The following FLT1 variants were observed in gnomAD, a reference collection of about 807,000 sequenced individuals.
FLT1 encodes the protein fms related receptor tyrosine kinase 1.
Under a neutral mutation model 156.3 loss-of-function variants are expected in FLT1, and 49 were observed. The observed-to-expected ratio is 0.31, with a 90% CI of 0.25 to 0.40. FLT1 has a LOEUF of 0.40. Ranked by LOEUF, FLT1 falls within the 10% of genes least tolerant of loss-of-function variation. The pLI is 1.00. For synonymous variants in FLT1, 594 were observed against 583.8 expected (o/e 1.02, Z -0.25); for missense variants, 1,322 against 1,637.2 (o/e 0.81, Z 3.32).
intron 3 of FLT1, among the ~76,000 whole-genome samples, chr13:28,444,711 A>C (rs541123857): frequency 6.6e-6 from 1 of 152,374 alleles, no homozygotes; most frequent in African/African-American, 2.4e-5. Context: ...AATCAATAAC[A>C]GAAATAAATT....
At chr13:28,438,932 G>A (rs575159875) in intron 3 of FLT1, among the ~76,000 whole-genome samples, 24 of 152,330 alleles carry the variant, frequency 1.6e-4, no homozygotes, top group Non-Finnish European at 2.6e-4. Context: ...CGGACAGGCC[G>A]GAGAAGCTGT....
chr13:28,404,785 C>T (rs1486100465), intron 11 of FLT1, among the ~76,000 whole-genome samples: 3 of 151,886 alleles, frequency 2.0e-5, no homozygotes, highest in Non-Finnish European at 2.9e-5. Context: ...TTTGGGAGGC[C>T]GAGGCAGGTG....
rs1347525646 is a variant in FLT1 at position 28,388,847 on chromosome 13, T to C, written c.1969+949A>G. 5.6e-6 allele frequency: 6 copies of C among 1,062,636 alleles called. 1 individual carries two copies. The Middle Eastern group carries it at 1.7e-3, about 299-fold the overall frequency. 65.8% of individuals were successfully genotyped at this position (1,062,636 alleles called of 1,614,324 possible). ...TTTAACATGATGAAGTTCCTTAAAATAATAACCAGAGGACAGGAATATTTA... is the reference window on the plus strand; with the variant it reads ...TTTAACATGATGAAGTTCCTTAAAACAATAACCAGAGGACAGGAATATTTA... On this transcript the variant is annotated intron_variant, in intron 13 of 29. Coordinates refer to ENST00000282397, the MANE Select transcript of FLT1 (RefSeq NM_002019.4).
rs1333978602 is a variant in FLT1 at position 28,339,181 on chromosome 13, C to T, written c.2475G>A (p.Glu825=). The T allele has an allele frequency of 1.2e-6, 2 of 1,614,008 alleles. No homozygotes were observed. Among genetic ancestry groups the T allele is most frequent in the Non-Finnish European group, 8.5e-7 (1 of 1,180,022 alleles). Residue 825 remains glutamate, a synonymous_variant, in exon 17 of 30, where the codon GAG becomes GAA. Coordinates refer to ENST00000282397, the MANE Select transcript of FLT1 (RefSeq NM_002019.4). ...CAAATATCTTACCCAGTTTAAGTCTCTCCCGGGCAAACTCCCACTTGCTGG... is the reference window on the plus strand; with the variant it reads ...CAAATATCTTACCCAGTTTAAGTCTTTCCCGGGCAAACTCCCACTTGCTGG... The part of the protein sequence containing the change: ...YDASKWEFAR[E]RLKLGKSLGR...
At chr13:28,477,291 A>G (rs1348651527) in intron 1 of FLT1, among the ~76,000 whole-genome samples, 2 of 152,184 alleles carry the variant, frequency 1.3e-5, no homozygotes, top group Non-Finnish European at 2.9e-5. Flanking sequence ...AGCCATGCAC[A>G]ACTCCTTTTC....
chr13:28,376,528 G>A (rs1873846179), intron 14 of FLT1, among the ~76,000 whole-genome samples: 1 of 152,158 alleles, frequency 6.6e-6, no homozygotes, highest in Non-Finnish European at 1.5e-5. Context: ...AGAGAGGGAG[G>A]GTTTGTTACT....
chr13:28,435,576 TTTCTATC>T (rs1409958415), intron 4 of FLT1, among the ~76,000 whole-genome samples: 1 of 152,168 alleles, frequency 6.6e-6, no homozygotes, highest in Non-Finnish European at 1.5e-5. Flanking sequence ...CTCGAAACCT[TTTCTATC>T]GCCTTTTAAA....
Position 28,466,896 on chromosome 13 carries a change from G to C in FLT1, c.388+7C>G, listed in dbSNP as rs753399318. 2 of 1,562,698 alleles carry C rather than the reference G, an allele frequency of 1.3e-6. No homozygotes were observed. The highest frequency in any genetic ancestry group is 1.4e-5 in the African/African-American group (1 of 74,008). ...AGCAAACAGAATGTAGAAAATGGAAGTCTTACCACTAATAAATATATAGAT... is the reference window on the plus strand; with the variant it reads ...AGCAAACAGAATGTAGAAAATGGAACTCTTACCACTAATAAATATATAGAT... On this transcript the variant is annotated splice_region_variant and intron_variant, in intron 3 of 29. Coordinates refer to ENST00000282397, the MANE Select transcript of FLT1 (RefSeq NM_002019.4).
At chr13:28,409,535 A>C (rs1053273201) in intron 10 of FLT1, among the ~76,000 whole-genome samples, 1 of 151,926 alleles carries the variant, frequency 6.6e-6, no homozygotes, top group Non-Finnish European at 1.5e-5. Context: ...GGGTTTAACC[A>C]TGTTGCCCAG....
chr13:28,389,222 G>C, intron 13 of FLT1: 1 of 1,109,640 alleles, frequency 9.0e-7, no homozygotes. Context: ...ATCAAGAGCA[G>C]ATGAAATAGT....
chr13:28,464,792 T>C (rs1409098784), intron 3 of FLT1, among the ~76,000 whole-genome samples: 1 of 152,234 alleles, frequency 6.6e-6, no homozygotes, highest in Non-Finnish European at 1.5e-5. Context: ...TGATGTCTAT[T>C]GAATAGTTTA....
chr13:28,412,305 TTC>T (rs770490579), intron 10 of FLT1, among the ~76,000 whole-genome samples: 26 of 84,364 alleles, frequency 3.1e-4, no homozygotes, highest in African/African-American at 7.2e-4. Flanking sequence ...CTTTTTCTCT[TTC>T]TCTTTCTTTC....
intron 17 of FLT1, among the ~76,000 whole-genome samples, chr13:28,335,460 T>C (rs1872083022): frequency 6.6e-6 from 1 of 152,230 alleles, no homozygotes. Flanking sequence ...AATTTTCTTG[T>C]AGTTTGTAAT....
At chr13:28,357,862 T>C (rs1872957144) in intron 14 of FLT1, among the ~76,000 whole-genome samples, 177 bp from the exon 15 acceptor site, 1 of 147,696 alleles carries the variant, frequency 6.8e-6, no homozygotes. Flanking sequence ...CTTTTTCTTT[T>C]CTTTCCTTTT....
rs374335323 is a variant in FLT1, at chr13:28,390,065, G to C, written c.1700C>G (p.Pro567Arg). ...CAGTTTCAGGTCCTCTCCTTCCGTC[G>C]GCATTTTTTCCAAGTTAACATGAAA... is the stretch of plus-strand genomic sequence containing the variant. ...NGFHVNLEKM[P>R]TEGEDLKLSC... The change falls in exon 13 of 30, where the codon CCG becomes CGG. Residue 567 changes from proline (P) to arginine (R), a missense_variant. Physicochemically the swap from Pro to Arg is moderately radical, Grantham distance 103. This residue lies in a region of FLT1 where 991 missense variants were observed against 1,254.8 expected (regional missense o/e 0.79). Transcript: ENST00000282397. The C allele has an allele frequency of 6.2e-7, 1 of 1,613,974 alleles. No individual in the cohort carries two copies. The highest frequency in any genetic ancestry group is 8.5e-7 in the Non-Finnish European group (1 of 1,179,964).
intron 3 of FLT1, among the ~76,000 whole-genome samples, chr13:28,463,091 A>AT (rs1305968236): frequency 6.6e-6 from 1 of 152,236 alleles, no homozygotes; most frequent in East Asian, 1.9e-4. Context: ...AAATGAAACC[A>AT]TTTGTTTAAG....
Position 28,319,488 on chromosome 13 carries a change from T to C in FLT1, c.3221A>G (p.Lys1074Arg), listed in dbSNP as rs1409426262. The C allele has an allele frequency of 6.2e-7, 1 of 1,614,056 alleles. No homozygotes were observed. The highest frequency in any genetic ancestry group is 1.7e-5 in the Admixed American group (1 of 60,018). The change falls in exon 24 of 30, where the codon AAA becomes AGA. Residue 1074 changes from lysine to arginine, a missense_variant. This residue lies in a region of FLT1 where 329 missense variants were observed against 366.2 expected (regional missense o/e 0.90). Coordinates refer to ENST00000282397, the MANE Select transcript of FLT1 (RefSeq NM_002019.4). ...KWMAPESIFDKIYSTKSDVWS... is the reference protein window; with the variant it reads ...KWMAPESIFDRIYSTKSDVWS... ...CACGTCGCTCTTGGTGCTGTAGATT[T>C]TGTCAAAGATAGATTCAGGAGCCAT...
chr13:28,336,742 C>CT (rs548520953), intron 17 of FLT1, among the ~76,000 whole-genome samples: 3,019 of 130,190 alleles, frequency 0.023, 70 homozygotes, highest in African/African-American at 0.045. Flanking sequence ...ATTATTCTAA[C>CT]TTTTTTTTTT....
At chr13:28,459,843 G>C (rs1003882425) in intron 3 of FLT1, among the ~76,000 whole-genome samples, 1 of 152,226 alleles carries the variant, frequency 6.6e-6, no homozygotes, top group Non-Finnish European at 1.5e-5. Flanking sequence ...GCCATGTGCT[G>C]CTCTCTGCCC....
Sources: allele counts gnomAD v4.1 joint callset (sites outside exome capture counted in the v4.1 genomes callset), GRCh38; gene constraint gnomAD v4.1.1; regional missense constraint gnomAD v4.1.1; transcripts MANE v1.5; gene names NCBI Gene and HGNC (gene_info 2026-07-23, HGNC 2026-07-21).